The following TAF4B variants were observed in gnomAD, a reference collection of about 807,000 sequenced individuals.
TAF4B encodes the protein TATA-box binding protein associated factor 4b, also known as transcription initiation factor TFIID subunit 4B.
A neutral mutation model predicts 86.4 loss-of-function variants in TAF4B; 38 were observed. The ratio of observed to expected loss-of-function variants is 0.44; its 90% CI spans 0.34 to 0.58. The LOEUF is 0.58. Among genes scored for constraint, TAF4B ranks in the 20% least tolerant of loss-of-function variants. TAF4B has a pLI of 0.02. For synonymous variants in TAF4B, 388 were observed against 391.2 expected (o/e 0.99, Z 0.10); for missense variants, 988 against 1,027.6 (o/e 0.96, Z 0.53).
intron 11 of TAF4B, among the ~76,000 whole-genome samples, chr18:26,325,205 A>G (rs564507478): frequency 1.3e-5 from 2 of 152,352 alleles, no homozygotes; most frequent in South Asian, 4.1e-4. Flanking sequence ...ATAGTCGCCT[A>G]TATGACTATG....
At chr18:26,303,804 T>A (rs2144641074) in intron 9 of TAF4B, among the ~76,000 whole-genome samples, 1 of 152,316 alleles carries the variant, frequency 6.6e-6, no homozygotes, top group Non-Finnish European at 1.5e-5. Context: ...TGGCGTGGCC[T>A]GAGTCCATAG....
intron 6 of TAF4B, among the ~76,000 whole-genome samples, chr18:26,285,031 G>A (rs921541396): frequency 3.3e-5 from 5 of 151,240 alleles, no homozygotes; most frequent in East Asian, 1.9e-4. Flanking sequence ...GTAGTGGTGC[G>A]ATCACAGCTC....
intron 9 of TAF4B, among the ~76,000 whole-genome samples, chr18:26,300,080 C>G (rs764430870): frequency 8.6e-5 from 13 of 152,022 alleles, no homozygotes; most frequent in Non-Finnish European, 1.5e-4. Context: ...CTCCTGGGCT[C>G]AAGCCATCTT....
At chr18:26,293,617 A>G in intron 9 of TAF4B, 86 bp downstream of exon 9, 1 of 750,900 alleles carries the variant, frequency 1.3e-6, no homozygotes, top group Non-Finnish European at 2.1e-6. Context: ...TTACTAAAAT[A>G]GATATACTGA....
At position 26,241,823 on chromosome 18, in the gene TAF4B, T is replaced by C. The variant is rs1232521783; in HGVS notation, c.343+14547T>C. Among the ~76,000 whole-genome samples, 7 of 152,374 alleles carry C rather than the reference T, an allele frequency of 4.6e-5. No homozygotes were observed. In the East Asian group the frequency reaches 1.2e-3, roughly 25 times the overall value. The stretch of plus-strand genomic sequence containing the variant: ...TGGTTTCAAAGAACATCTTTATTTC[T>C]GCCTTCATTTCGTTATGTATCCAGT... On this transcript the variant is annotated intron_variant, in intron 1 of 14. Coordinates refer to ENST00000269142, the MANE Select transcript of TAF4B (RefSeq NM_005640.3).
rs1567913931 is a variant in TAF4B at position 26,346,831 on chromosome 18, ATATATGTGTGTGTG to A, written c.2317-10853_2317-10840del. Among the ~76,000 whole-genome samples the A allele has an allele frequency of 1.8e-3, 43 of 24,350 alleles. 6 individuals carry two copies. The highest frequency in any genetic ancestry group is 0.011 in the East Asian group (2 of 176). 16.0% of individuals were successfully genotyped at this position (24,350 alleles called of 152,430 possible). ...TATATATATATGTGTGTGTATATAT[ATATATGTGTGTGTG>A]TATATATATATATGTGTATATATAT... On this transcript the variant is annotated intron_variant, in intron 13 of 14. Coordinates refer to ENST00000269142, the MANE Select transcript of TAF4B (RefSeq NM_005640.3).
chr18:26,306,676 A>G (rs996601146), intron 9 of TAF4B, among the ~76,000 whole-genome samples: 1 of 152,194 alleles, frequency 6.6e-6, no homozygotes, highest in Non-Finnish European at 1.5e-5. Flanking sequence ...CTAGTAATTC[A>G]CAGTCACACA....
intron 14 of TAF4B, among the ~76,000 whole-genome samples, chr18:26,364,961 CCTT>C (rs768620137): frequency 6.6e-6 from 1 of 151,052 alleles, no homozygotes; most frequent in Non-Finnish European, 1.5e-5. Flanking sequence ...TATGTCCTCT[CCTT>C]CTAGAAGCAG....
chr18:26,256,475 G>A, intron 1 of TAF4B: 1 of 628,812 alleles, frequency 1.6e-6, no homozygotes, highest in Non-Finnish European at 2.8e-6. Flanking sequence ...CAGTTTTGTT[G>A]ATTTTTCTCA....
intron 9 of TAF4B, among the ~76,000 whole-genome samples, chr18:26,304,401 C>T (rs2056773453): frequency 6.6e-6 from 1 of 151,912 alleles, no homozygotes; most frequent in Admixed American, 6.6e-5. Flanking sequence ...CAAGAATGAG[C>T]AAGAAACTAT....
intron 1 of TAF4B, among the ~76,000 whole-genome samples, chr18:26,261,491 C>T (rs890457028): frequency 2.6e-5 from 4 of 152,188 alleles, no homozygotes; most frequent in Admixed American, 1.3e-4. Flanking sequence ...TGAGCCACTG[C>T]GCCCGGCCAG....
At chr18:26,308,062 T>G (rs1415629769) in intron 9 of TAF4B, among the ~76,000 whole-genome samples, 1 of 152,040 alleles carries the variant, frequency 6.6e-6, no homozygotes, top group African/African-American at 2.4e-5. Flanking sequence ...TGAGCCGAGA[T>G]GGAGCCATTG....
chr18:26,326,877 A>T (rs2057008924), intron 11 of TAF4B, 138 bp from the exon 12 acceptor site: 1 of 1,019,574 alleles, frequency 9.8e-7, no homozygotes, highest in Non-Finnish European at 1.3e-6. Flanking sequence ...GCTTAATAGA[A>T]ACAAAATCAT....
chr18:26,327,028 A>G lies in TAF4B; in HGVS notation c.2147A>G (p.Tyr716Cys). Reference protein sequence around the residue: ...RMTTYKASENYILCSDTRSQL... With the variant: ...RMTTYKASENCILCSDTRSQL... ...TTTTTTTCCCAGGCAAGTGAAAATT[A>G]CATCCTGTGTAGTGATACCAGGTCA... The change falls in exon 12 of 15, where the codon TAC (tyrosine) becomes TGC (cysteine). Residue 716 changes from tyrosine (Y) to cysteine (C), a missense_variant. Coordinates refer to ENST00000269142, the MANE Select transcript of TAF4B (RefSeq NM_005640.3). The G allele has an allele frequency of 6.2e-7, 1 of 1,612,896 alleles. No individual in the cohort carries two copies. The highest frequency in any genetic ancestry group is 1.1e-5 in the South Asian group (1 of 90,966).
chr18:26,288,466 C>T (rs2056553790), intron 7 of TAF4B, among the ~76,000 whole-genome samples: 2 of 152,046 alleles, frequency 1.3e-5, no homozygotes, highest in African/African-American at 4.8e-5. Context: ...AAAGCCCCGT[C>T]TCTACTAAAA....
At chr18:26,255,736 G>T (rs1160374122) in intron 1 of TAF4B, 42 of 1,596,662 alleles carry the variant, frequency 2.6e-5, no homozygotes, top group Non-Finnish European at 3.4e-5. Context: ...TGTGGCCCCT[G>T]CTCCTCTGGC....
At chr18:26,266,618 T>C (rs1383638181) in intron 2 of TAF4B, among the ~76,000 whole-genome samples, 1 of 151,944 alleles carries the variant, frequency 6.6e-6, no homozygotes, top group Non-Finnish European at 1.5e-5. Flanking sequence ...TCCCAGCACT[T>C]TGGGAGGCTG....
chr18:26,301,895 G>A (rs1221112647), intron 9 of TAF4B, among the ~76,000 whole-genome samples: 2 of 152,048 alleles, frequency 1.3e-5, no homozygotes, highest in Non-Finnish European at 2.9e-5. Flanking sequence ...TGGTTTCTTA[G>A]TGTCTTGTTC....
chr18:26,340,373 A>G (rs1253437021), intron 13 of TAF4B, among the ~76,000 whole-genome samples: 1 of 152,220 alleles, frequency 6.6e-6, no homozygotes, highest in Admixed American at 6.5e-5. Flanking sequence ...CTACATGGCC[A>G]AAACTCATGG....
Sources: allele counts gnomAD v4.1 joint callset (sites outside exome capture counted in the v4.1 genomes callset), GRCh38; gene constraint gnomAD v4.1.1; transcripts MANE v1.5; gene names NCBI Gene and HGNC (gene_info 2026-07-23, HGNC 2026-07-21).